The following ADGRG5 variants were observed in gnomAD, a reference collection of about 807,000 sequenced individuals.
ADGRG5 encodes the protein G protein-coupled receptor 114.
A neutral mutation model predicts 53.2 loss-of-function variants in ADGRG5; 37 were observed. That is an observed-to-expected ratio of 0.70 (90% CI 0.53 to 0.91). The LOEUF (loss-of-function observed/expected upper bound fraction) is 0.91. ADGRG5 is among the 40% of genes least tolerant of loss of function. The pLI is 0.00. For missense variants in ADGRG5, 614 were observed against 675.8 expected (o/e 0.91, Z 1.01); for synonymous variants, 277 against 290.4 (o/e 0.95, Z 0.47).
At chr16:57,537,975 C>T (rs1254681417), upstream of ADGRG5, among the ~76,000 whole-genome samples, 5 of 152,150 alleles carry the variant, frequency 3.3e-5, no homozygotes, top group African/African-American at 1.2e-4. Context: ...CAAGGTCCTA[C>T]AGCCAGTAAC....
upstream of ADGRG5, among the ~76,000 whole-genome samples, chr16:57,537,793 C>G (rs1247554344): frequency 2.0e-5 from 3 of 152,062 alleles, no homozygotes; most frequent in Non-Finnish European, 4.4e-5. Context: ...TTTCACTTGT[C>G]GATTCATTTG....
chr16:57,551,895 C>T lies in ADGRG5; in HGVS notation c.-39+9194C>T, dbSNP rs577246537. Among the ~76,000 whole-genome samples, 3 of 152,314 alleles carry T rather than the reference C, an allele frequency of 2.0e-5. No homozygotes were observed. The South Asian group carries it at 6.2e-4, about 32-fold the overall frequency. ...ATAAGACTTGAAGGTCGAAATGACT[C>T]CTTGATCCATGGGCTGCAGAATGGA... is the stretch of plus-strand genomic sequence containing the variant. On this transcript the variant is annotated intron_variant, in intron 1 of 11. Transcript: ENST00000349457.
chr16:57,537,008 C>A, the ADGRG5 span, among the ~76,000 whole-genome samples: 1 of 152,198 alleles, frequency 6.6e-6, no homozygotes, highest in Non-Finnish European at 1.5e-5. Flanking sequence ...AGTGGGCCAA[C>A]AAGTCTGTGC....
the ADGRG5 span, among the ~76,000 whole-genome samples, chr16:57,530,167 C>G: frequency 6.6e-6 from 1 of 152,164 alleles, no homozygotes; most frequent in Admixed American, 6.5e-5. Context: ...CTCCCCTTCT[C>G]TGCCGGAACC....
At chr16:57,567,302 A>AG (rs1218458232) in intron 7 of ADGRG5, among the ~76,000 whole-genome samples, 168 bp from the exon 8 acceptor site, 16 of 152,130 alleles carry the variant, frequency 1.1e-4, no homozygotes, top group Non-Finnish European at 2.2e-4. Flanking sequence ...GGAGATGTGG[A>AG]GGGGGCAAAA....
At chr16:57,571,229 G>A (rs538698858) in intron 10 of ADGRG5, among the ~76,000 whole-genome samples, 32 of 152,224 alleles carry the variant, frequency 2.1e-4, no homozygotes, top group Non-Finnish European at 4.4e-4. Flanking sequence ...GATGGGGGCT[G>A]ATTCTGTGGC....
At chr16:57,547,530 C>T (rs560287832) in intron 1 of ADGRG5, among the ~76,000 whole-genome samples, 8 of 152,232 alleles carry the variant, frequency 5.3e-5, no homozygotes, top group Non-Finnish European at 1.0e-4. Flanking sequence ...CTGCAACCTC[C>T]GCCTACTGGG....
rs148743381 is a variant in ADGRG5 at position 57,571,154 on chromosome 16, C to T, written c.1208+619C>T. On this transcript the variant is annotated intron_variant, in intron 10 of 11. Coordinates refer to ENST00000349457, the MANE Select transcript of ADGRG5 (RefSeq NM_001304376.3). Reference sequence around the variant, plus strand: ...CATAGACTAGCCTAAGGAACCCCCGCGCGCCCATCACTCACTTGCAGTTGG... The same window carrying T: ...CATAGACTAGCCTAAGGAACCCCCGTGCGCCCATCACTCACTTGCAGTTGG... Among the ~76,000 whole-genome samples the T allele has an allele frequency of 1.4e-4, 21 of 152,314 alleles. No individual in the cohort carries two copies. The East Asian group carries it at 3.3e-3, about 24-fold the overall frequency.
chr16:57,573,823 G>A (rs2033431116), intron 10 of ADGRG5, among the ~76,000 whole-genome samples: 1 of 152,202 alleles, frequency 6.6e-6, no homozygotes, highest in South Asian at 2.1e-4. Flanking sequence ...TCGGGTTCAA[G>A]TGATTCTCCT....
chr16:57,566,230 C>G (rs1231575907), intron 6 of ADGRG5: 8 of 179,830 alleles, frequency 4.4e-5, no homozygotes, highest in Admixed American at 1.2e-4. Context: ...TTGCTGTTCC[C>G]CATGGGGAGG....
chr16:57,545,548 T>C (rs1232807594), intron 1 of ADGRG5, among the ~76,000 whole-genome samples: 2 of 152,168 alleles, frequency 1.3e-5, no homozygotes, highest in Admixed American at 1.3e-4. Flanking sequence ...GATGTGCCAG[T>C]TGATACAAAA....
Position 57,568,075 on chromosome 16 carries a change from C to T in ADGRG5, c.1041C>T (p.Tyr347=). The T allele has an allele frequency of 6.2e-7, 1 of 1,614,020 alleles. No homozygotes were observed. The highest frequency in any genetic ancestry group is 2.2e-5 in the East Asian group (1 of 44,880). ...FNLYLLLGRV[Y]NIYIRRYVFK... is the part of the protein sequence containing the mutation. ...TCTACCTCCTCCTCGGGCGTGTCTA[C>T]AACATCTACATCCGCAGATATGTGT... The change falls in exon 9 of 12, where the codon TAC becomes TAT. Residue 347 remains tyrosine (Y), a synonymous_variant. Coordinates refer to ENST00000349457, the MANE Select transcript of ADGRG5 (RefSeq NM_001304376.3).
intron 1 of ADGRG5, among the ~76,000 whole-genome samples, chr16:57,546,224 C>T (rs2032617000): frequency 6.6e-6 from 1 of 152,046 alleles, no homozygotes; most frequent in South Asian, 2.1e-4. Context: ...CCTGGGCTCA[C>T]GTGATCCTCT....
chr16:57,573,732 T>C (rs1249818301), intron 10 of ADGRG5, among the ~76,000 whole-genome samples: 1 of 152,218 alleles, frequency 6.6e-6, no homozygotes, highest in African/African-American at 2.4e-5. Context: ...TTTATTTTTA[T>C]TTATTTTGAG....
chr16:57,543,157 G>A (rs1383502861), intron 1 of ADGRG5: 2 of 152,182 alleles, frequency 1.3e-5, no homozygotes, highest in Non-Finnish European at 2.9e-5. Context: ...TTGGATCCTG[G>A]GGACAGCATG....
intron 1 of ADGRG5, among the ~76,000 whole-genome samples, chr16:57,556,472 ATT>A (rs2032885388): frequency 6.6e-6 from 1 of 151,994 alleles, no homozygotes; most frequent in Admixed American, 6.6e-5. Flanking sequence ...GTATCTTATA[ATT>A]TTCTCTTTTT....
In ADGRG5 at chr16:57,574,806, C is replaced by T; in HGVS notation, c.1209-9C>T. On this transcript the variant is annotated splice_polypyrimidine_tract_variant and intron_variant, in intron 10 of 11. Transcript: ENST00000349457. The surrounding 1 kb of genome is among the most constrained non-coding windows in gnomAD (Gnocchi z 4.4). Reference sequence around the variant, plus strand: ...CACTGTGAGCCTGACACGTCACCCTCCCCTGCAGATGCTGGGTGCGGAGCC... The same window carrying T: ...CACTGTGAGCCTGACACGTCACCCTTCCCTGCAGATGCTGGGTGCGGAGCC... 6.4e-7 allele frequency: 1 copy of T among 1,560,082 alleles called. No individual in the cohort carries two copies. The highest frequency in any genetic ancestry group is 1.2e-5 in the South Asian group (1 of 83,994).
At chr16:57,533,873 T>A in the ADGRG5 span, among the ~76,000 whole-genome samples, 8 of 152,226 alleles carry the variant, frequency 5.3e-5, no homozygotes, top group Non-Finnish European at 8.8e-5. Context: ...CCAGGCTCAA[T>A]GCCCTCTTGC....
At chr16:57,554,441 A>G (rs954386454) in intron 1 of ADGRG5, among the ~76,000 whole-genome samples, 2 of 151,486 alleles carry the variant, frequency 1.3e-5, no homozygotes, top group African/African-American at 4.9e-5. Context: ...CAGTGGCGCA[A>G]TCTCAGCTCA....
Sources: gnomAD v4.1 joint callset for allele counts (sites outside exome capture counted in the v4.1 genomes callset) on GRCh38, gnomAD v4.1.1 for gene constraint, Gnocchi (gnomAD v3.1) non-coding constraint, MANE v1.5 for transcripts, NCBI Gene and HGNC (gene_info 2026-07-23, HGNC 2026-07-21) for gene names.